TENM3: variants seen among roughly 807,000 people sequenced by gnomAD.
TENM3 encodes teneurin-3.
In TENM3, 63 loss-of-function variants were observed where a neutral mutation model predicts 255.1. That is an observed-to-expected ratio of 0.25 (90% CI 0.20 to 0.30). The LOEUF (loss-of-function observed/expected upper bound fraction) is 0.30. Ranked by LOEUF, TENM3 falls within the 10% of genes least tolerant of loss-of-function variation. The probability of loss-of-function intolerance (pLI) is 1.00; values close to 1 mark genes in which losing one functional copy is unlikely to be tolerated. For missense variants in TENM3, 2,929 were observed against 3,461.1 expected (o/e 0.85, Z 3.86); for synonymous variants, 1,306 against 1,322.3 (o/e 0.99, Z 0.27).
intron 1 of TENM3, among the ~76,000 whole-genome samples, chr4:182,180,107 C>A (rs1478585984): frequency 6.8e-6 from 1 of 147,840 alleles, no homozygotes; most frequent in African/African-American, 2.5e-5. Flanking sequence ...AACCTACTTT[C>A]AGGGTAAAAA....
chr4:182,732,623 T>G (rs1760861054), intron 16 of TENM3, among the ~76,000 whole-genome samples: 2 of 152,262 alleles, frequency 1.3e-5, no homozygotes, highest in South Asian at 4.1e-4. Flanking sequence ...CCCAGGAATT[T>G]GAGACCAACC....
chr4:182,719,717 TAAG>T (rs1293658914), intron 13 of TENM3, among the ~76,000 whole-genome samples: 1 of 151,786 alleles, frequency 6.6e-6, no homozygotes, highest in Non-Finnish European at 1.5e-5. Context: ...AAGATAGAAA[TAAG>T]AAATAAATAA....
intron 18 of TENM3, among the ~76,000 whole-genome samples, chr4:182,742,354 G>T (rs1299528735): frequency 6.6e-6 from 1 of 152,226 alleles, no homozygotes; most frequent in African/African-American, 2.4e-5. Context: ...GCACTTCCAT[G>T]CCTTAAAGCA....
At chr4:181,971,485 C>G in the TENM3 span, among the ~76,000 whole-genome samples, 2 of 152,174 alleles carry the variant, frequency 1.3e-5, no homozygotes, top group Admixed American at 1.3e-4. Flanking sequence ...TTTGGACATA[C>G]TAACTTAATA....
rs1202720848 is a variant in TENM3, at chr4:182,161,945, T to TTGTG, written c.-76+17203_-76+17206dup. Among the ~76,000 whole-genome samples the TTGTG allele has an allele frequency of 1.2e-4, 2 of 16,466 alleles. 1 individual carries two copies. Among genetic ancestry groups the TTGTG allele is most frequent in the African/African-American group, 4.6e-4 (2 of 4,342 alleles). 10.8% of individuals were successfully genotyped at this position (16,466 alleles called of 152,430 possible). On this transcript the variant is annotated intron_variant, in intron 1 of 2. Coordinates refer to the TENM3 transcript ENST00000512480. ...TGTATATATATACACATATATATAT[T>TTGTG]TGTGTGTGTGTGTGTATATATATAT...
chr4:182,532,831 T>G (rs1204484667), intron 3 of TENM3, among the ~76,000 whole-genome samples: 1 of 152,254 alleles, frequency 6.6e-6, no homozygotes, highest in Non-Finnish European at 1.5e-5. Context: ...GTTATTTATT[T>G]TTAATAGACC....
intron 1 of TENM3, among the ~76,000 whole-genome samples, chr4:182,321,659 C>A (rs1475245214): frequency 6.7e-6 from 1 of 150,266 alleles, no homozygotes; most frequent in Non-Finnish European, 1.5e-5. Context: ...AAAATAACTT[C>A]TCTTGGCCGG....
rs1459857347 is a variant in TENM3 at position 182,283,222 on chromosome 4, C to T, written c.-76+39746C>T. 8.5e-5 allele frequency among the ~76,000 whole-genome samples: 13 copies of T among 152,124 alleles called. No individual in the cohort carries two copies. In the East Asian group the frequency reaches 1.9e-3, roughly 22 times the overall value. The stretch of plus-strand genomic sequence containing the variant: ...ATTACATGAATCCATTCTTATAAAA[C>T]GTAAATAATATGATAAACCATATCT... On this transcript the variant is annotated intron_variant, in intron 1 of 27. Transcript: ENST00000511685.
At chr4:181,688,134 AT>A in the TENM3 span, among the ~76,000 whole-genome samples, 1 of 152,106 alleles carries the variant, frequency 6.6e-6, no homozygotes, top group African/African-American at 2.4e-5. Flanking sequence ...AACTCCCTTA[AT>A]TTTGGACAAA....
chr4:181,793,952 A>G, the TENM3 span, among the ~76,000 whole-genome samples: 1 of 152,274 alleles, frequency 6.6e-6, no homozygotes, highest in Non-Finnish European at 1.5e-5. Flanking sequence ...ATTACTTTAT[A>G]TACCTCCTGT....
At chr4:182,078,437 G>A in the TENM3 span, among the ~76,000 whole-genome samples, 12 of 152,204 alleles carry the variant, frequency 7.9e-5, no homozygotes, top group East Asian at 1.4e-3. Context: ...CAGGGGAATC[G>A]CTTGAACCTG....
the TENM3 span, among the ~76,000 whole-genome samples, chr4:181,944,254 G>A: frequency 3.3e-5 from 5 of 151,636 alleles, no homozygotes; most frequent in Non-Finnish European, 7.4e-5. Context: ...TGAAGAGGGT[G>A]GGACACTGAT....
the TENM3 span, among the ~76,000 whole-genome samples, chr4:181,607,061 C>T: frequency 6.6e-5 from 10 of 152,318 alleles, no homozygotes; most frequent in Admixed American, 3.9e-4. Context: ...CCAGAATGTT[C>T]TCACAACTTC....
intron 3 of TENM3, among the ~76,000 whole-genome samples, chr4:182,445,823 C>T (rs1772870483): frequency 1.3e-5 from 2 of 152,138 alleles, no homozygotes; most frequent in Admixed American, 1.3e-4. Context: ...ATAGTGTCTG[C>T]TCATGGAACT....
rs776041931 is a variant in TENM3, at chr4:182,729,218, T to C, written c.2585+37T>C. Reference sequence around the variant, plus strand: ...TTTTCCATATGTAGATTTGTAATGATGTTATCAACAGTTACATACACTTAT... The same window carrying C: ...TTTTCCATATGTAGATTTGTAATGACGTTATCAACAGTTACATACACTTAT... On this transcript the variant is annotated intron_variant, in intron 14 of 27. Coordinates refer to ENST00000511685, the MANE Select transcript of TENM3 (RefSeq NM_001080477.4). 4 of 1,538,694 alleles carry C rather than the reference T, an allele frequency of 2.6e-6. No individual in the cohort carries two copies. In the African/African-American group the frequency reaches 4.1e-5, roughly 16 times the overall value.
Position 182,792,851 on chromosome 4 carries a change from G to T in TENM3, c.6179G>T (p.Gly2060Val). ...SGKVEQFGKF[G>V]VIYYDINQII... ...AAAGTTGAGCAGTTTGGAAAGTTTG[G>T]AGTTATATATTATGATATTAACCAG... Residue 2060 changes from glycine (G) to valine (V), a missense_variant, in exon 26 of 28, where the codon GGA becomes GTA. Physicochemically the swap from Gly to Val is moderately radical, Grantham distance 109. Transcript: ENST00000511685. This position sits in a 1 kb window ranked among gnomAD's most constrained non-coding sequence, Gnocchi z 6.3. 6.2e-7 allele frequency: 1 copy of T among 1,613,772 alleles called. No individual in the cohort carries two copies. Among genetic ancestry groups the T allele is most frequent in the Non-Finnish European group, 8.5e-7 (1 of 1,179,794 alleles).
chr4:181,970,246 T>C, the TENM3 span, among the ~76,000 whole-genome samples: 1 of 152,232 alleles, frequency 6.6e-6, no homozygotes, highest in Non-Finnish European at 1.5e-5. Flanking sequence ...GTAATTGCTA[T>C]ACGTGAAATT....
the TENM3 span, among the ~76,000 whole-genome samples, chr4:181,770,292 G>T: frequency 6.6e-6 from 1 of 152,124 alleles, no homozygotes; most frequent in Non-Finnish European, 1.5e-5. Context: ...ATAACAAATT[G>T]GCTTACATTA....
chr4:181,545,796 T>A, the TENM3 span, among the ~76,000 whole-genome samples: 1 of 152,182 alleles, frequency 6.6e-6, no homozygotes, highest in Non-Finnish European at 1.5e-5. Context: ...TTTATGCAAA[T>A]AGTCCTAGAT....
Sources: allele counts gnomAD v4.1 joint callset (sites outside exome capture counted in the v4.1 genomes callset), GRCh38; gene constraint gnomAD v4.1.1; non-coding constraint Gnocchi (gnomAD v3.1); transcripts MANE v1.5; gene names NCBI Gene and HGNC (gene_info 2026-07-23, HGNC 2026-07-21).